The following GKAP1 variants were observed in gnomAD, a reference collection of about 807,000 sequenced individuals.
GKAP1 encodes the protein G kinase-anchoring protein 1.
In GKAP1, 31 loss-of-function variants were observed where a neutral mutation model predicts 56.7. The observed-to-expected ratio is 0.55, with a 90% confidence interval of 0.41 to 0.74. GKAP1 has a LOEUF of 0.74. Among genes scored for constraint, GKAP1 ranks in the 30% least tolerant of loss-of-function variants. GKAP1 has a pLI of 0.00. For missense variants in GKAP1, 364 were observed against 402.3 expected (o/e 0.90, Z 0.82); for synonymous variants, 151 against 138.6 (o/e 1.09, Z -0.63).
chr9:83,797,726 G>T (rs969003564), intron 4 of GKAP1, among the ~76,000 whole-genome samples: 4 of 152,194 alleles, frequency 2.6e-5, no homozygotes, highest in Non-Finnish European at 5.9e-5. Context: ...AGTGGGAGCA[G>T]AAGAAAAGGC....
chr9:83,785,772 A>G (rs1018181696), intron 5 of GKAP1, among the ~76,000 whole-genome samples: 1 of 152,206 alleles, frequency 6.6e-6, no homozygotes, highest in African/African-American at 2.4e-5. Context: ...ACGCTGCTAC[A>G]TGAGTTTCTA....
intron 7 of GKAP1, among the ~76,000 whole-genome samples, chr9:83,773,732 T>C (rs1943802761): frequency 6.6e-6 from 1 of 152,182 alleles, no homozygotes; most frequent in South Asian, 2.1e-4. Flanking sequence ...TTCATTTTGT[T>C]TGGTTTCTTA....
chr9:83,813,480 G>A (rs1462617173), intron 2 of GKAP1, among the ~76,000 whole-genome samples: 1 of 152,062 alleles, frequency 6.6e-6, no homozygotes, highest in Non-Finnish European at 1.5e-5. Context: ...GGATATCTGG[G>A]CTCAGTGGTG....
intron 3 of GKAP1, among the ~76,000 whole-genome samples, chr9:83,803,181 TATC>T (rs1402083422): frequency 6.6e-6 from 1 of 152,100 alleles, no homozygotes; most frequent in Non-Finnish European, 1.5e-5. Context: ...CCCAAATGCT[TATC>T]ATGAGTTCAA....
intron 7 of GKAP1, among the ~76,000 whole-genome samples, chr9:83,769,412 G>A (rs140621419): frequency 9.0e-4 from 137 of 152,064 alleles, no homozygotes; most frequent in Middle Eastern, 3.4e-3. Context: ...CCTGCCACCC[G>A]CCCCAGGCAA....
intron 4 of GKAP1, among the ~76,000 whole-genome samples, chr9:83,796,953 T>A (rs1441835488): frequency 6.6e-6 from 1 of 152,218 alleles, no homozygotes; most frequent in African/African-American, 2.4e-5. Context: ...TTCCATTTCC[T>A]GCAGCAAATC....
At chr9:83,812,857 A>G (rs1944530920) in intron 2 of GKAP1, among the ~76,000 whole-genome samples, 1 of 152,216 alleles carries the variant, frequency 6.6e-6, no homozygotes, top group South Asian at 2.1e-4. Flanking sequence ...CAAACGACAG[A>G]GAGCAACTAT....
At chr9:83,765,922 A>T (rs1943655885) in intron 8 of GKAP1, among the ~76,000 whole-genome samples, 1 of 152,190 alleles carries the variant, frequency 6.6e-6, no homozygotes, top group African/African-American at 2.4e-5. Context: ...GAATGAGTTA[A>T]GACTTTGGAA....
At chr9:83,766,858 T>C (rs1351233742) in intron 8 of GKAP1, among the ~76,000 whole-genome samples, 2 of 108,680 alleles carry the variant, frequency 1.8e-5, no homozygotes, top group African/African-American at 5.7e-5. Context: ...AAACACCTGG[T>C]GGCTGGAGAA....
intron 4 of GKAP1, among the ~76,000 whole-genome samples, chr9:83,797,138 A>C (rs1587732621): frequency 6.6e-6 from 1 of 152,194 alleles, no homozygotes; most frequent in African/African-American, 2.4e-5. Context: ...TCTAGCTCTC[A>C]GATTGTATGC....
intron 9 of GKAP1, among the ~76,000 whole-genome samples, chr9:83,752,489 T>C (rs1387999222): frequency 6.6e-6 from 1 of 152,140 alleles, no homozygotes; most frequent in East Asian, 1.9e-4. Flanking sequence ...AAACACTGTA[T>C]GATTCCACTT....
Position 83,742,424 on chromosome 9 carries a change from T to C in GKAP1, c.975+106A>G, listed in dbSNP as rs966696179. On this transcript the variant is annotated intron_variant, in intron 11 of 12. Transcript: ENST00000376371. ...TATTACATAATAATAAAGTATAATT[T>C]ATACTACATCCTTACAGTGTTGATG... 4 of 713,572 alleles carry C rather than the reference T, an allele frequency of 5.6e-6. No individual in the cohort carries two copies. The South Asian group carries it at 7.8e-5, about 14-fold the overall frequency. 44.2% of individuals were successfully genotyped at this position (713,572 alleles called of 1,614,324 possible). A position where few individuals can be genotyped will look rare whatever the true frequency, so the allele number is the denominator to read the frequency against.
intron 6 of GKAP1, among the ~76,000 whole-genome samples, chr9:83,783,592 A>T (rs910879336): frequency 6.6e-6 from 1 of 152,222 alleles, no homozygotes; most frequent in Non-Finnish European, 1.5e-5. Flanking sequence ...TTTGATAAAA[A>T]ATACAAATGA....
chr9:83,813,683 A>T (rs1019314583), intron 2 of GKAP1, among the ~76,000 whole-genome samples: 3 of 152,266 alleles, frequency 2.0e-5, no homozygotes, highest in African/African-American at 4.8e-5. Context: ...GAAATGTTTC[A>T]GGGCAAAATG....
chr9:83,783,461 T>G (rs78790265), intron 6 of GKAP1, among the ~76,000 whole-genome samples: 3,334 of 152,316 alleles, frequency 0.022, 135 homozygotes, highest in African/African-American at 0.076. Flanking sequence ...ACATGAATAG[T>G]AGCTACCATA....
intron 4 of GKAP1, among the ~76,000 whole-genome samples, chr9:83,794,022 G>A (rs1378634730): frequency 6.6e-6 from 1 of 151,994 alleles, no homozygotes; most frequent in Non-Finnish European, 1.5e-5. Context: ...CAAAAAATTA[G>A]CCAGCCATGG....
intron 4 of GKAP1, among the ~76,000 whole-genome samples, chr9:83,792,715 A>G (rs771649845): frequency 2.4e-4 from 37 of 152,296 alleles, no homozygotes; most frequent in Non-Finnish European, 4.7e-4. Flanking sequence ...AATCTACTTA[A>G]TCAGTAAATG....
intron 9 of GKAP1, among the ~76,000 whole-genome samples, chr9:83,750,353 C>T (rs1943367518): frequency 6.6e-6 from 1 of 152,190 alleles, no homozygotes; most frequent in Non-Finnish European, 1.5e-5. Context: ...CGTGTTGTTA[C>T]TGCACTGTCT....
chr9:83,754,105 T>G (rs143271230), intron 8 of GKAP1, among the ~76,000 whole-genome samples: 4 of 152,114 alleles, frequency 2.6e-5, no homozygotes, highest in African/African-American at 4.8e-5. Flanking sequence ...GGAACCTAGG[T>G]TGACAGAACA....
Sources: allele counts gnomAD v4.1 joint callset (sites outside exome capture counted in the v4.1 genomes callset), GRCh38; gene constraint gnomAD v4.1.1; transcripts MANE v1.5; gene names NCBI Gene and HGNC (gene_info 2026-07-23, HGNC 2026-07-21).